Variants in ARHGAP26 observed in about 807,000 individuals in gnomAD.
ARHGAP26 encodes Rho GTPase activating protein 26.
A neutral mutation model predicts 104.8 loss-of-function variants in ARHGAP26; 38 were observed. The ratio of observed to expected loss-of-function variants is 0.36; its 90% CI spans 0.28 to 0.48. ARHGAP26 has a LOEUF of 0.48. Ranked by LOEUF, ARHGAP26 falls within the 20% of genes least tolerant of loss-of-function variation. The pLI, the probability that ARHGAP26 is intolerant of heterozygous loss-of-function variation, is 0.99. For synonymous variants in ARHGAP26, 341 were observed against 340.0 expected (o/e 1.00, Z -0.03); for missense variants, 704 against 947.9 (o/e 0.74, Z 3.38).
At chr5:142,893,776 T>G (rs1236893289) in intron 5 of ARHGAP26, among the ~76,000 whole-genome samples, 2 of 152,248 alleles carry the variant, frequency 1.3e-5, no homozygotes, top group African/African-American at 2.4e-5. Context: ...ATCATAGCCA[T>G]TGTAACTGGC....
At chr5:142,989,235 C>A (rs1243352361) in intron 11 of ARHGAP26, among the ~76,000 whole-genome samples, 2 of 152,186 alleles carry the variant, frequency 1.3e-5, no homozygotes, top group African/African-American at 2.4e-5. Flanking sequence ...GATCCCTTTA[C>A]CATTATGTAA....
intron 11 of ARHGAP26, among the ~76,000 whole-genome samples, chr5:142,990,065 A>T (rs1775366335): frequency 6.6e-6 from 1 of 152,014 alleles, no homozygotes; most frequent in Non-Finnish European, 1.5e-5. Context: ...GCTTGGTTCC[A>T]TTCTCCCCAT....
intron 14 of ARHGAP26, among the ~76,000 whole-genome samples, chr5:143,044,310 G>A (rs1041771649): frequency 2.0e-5 from 3 of 152,020 alleles, no homozygotes; most frequent in Non-Finnish European, 2.9e-5. Flanking sequence ...TCCTTCTTCT[G>A]GCTTCTCATG....
intron 17 of ARHGAP26, among the ~76,000 whole-genome samples, chr5:143,106,314 G>T (rs1209045036): frequency 6.6e-6 from 1 of 152,102 alleles, no homozygotes; most frequent in Non-Finnish European, 1.5e-5. Flanking sequence ...AGGAGGAGCA[G>T]CCAGAAGCCA....
rs531941500 is a variant in ARHGAP26 at position 143,041,997 on chromosome 5, G to A, written c.1285+107G>A. On this transcript the variant is annotated intron_variant, in intron 14 of 22. Transcript: ENST00000645722. ...CAGCCTGTGGCAAAGGAATCGGGGT[G>A]TCCGTGAGCTGTCACCTAGAAGTCA... 2.3e-5 allele frequency: 21 copies of A among 922,084 alleles called. No individual in the cohort carries two copies. The African/African-American group carries it at 2.9e-4, about 13-fold the overall frequency. 57.1% of individuals were successfully genotyped at this position (922,084 alleles called of 1,614,324 possible).
At position 142,931,568 on chromosome 5, in the gene ARHGAP26, A is replaced by G. The variant is rs115418783; in HGVS notation, c.1029-479A>G. Among the ~76,000 whole-genome samples the G allele has an allele frequency of 5.5e-4, 84 of 152,332 alleles. 1 individual carries two copies. Among genetic ancestry groups the G allele is most frequent in the African/African-American group, 2.0e-3 (83 of 41,572 alleles). Reference sequence around the variant, plus strand: ...CACCATAAAACTTCTCCATGTCTGAAGCAGTTTAGAAGCAGTGGACTAGAT... The same window carrying G: ...CACCATAAAACTTCTCCATGTCTGAGGCAGTTTAGAAGCAGTGGACTAGAT... On this transcript the variant is annotated intron_variant, in intron 10 of 22. Coordinates refer to ENST00000645722, the MANE Select transcript of ARHGAP26 (RefSeq NM_001135608.3).
chr5:142,804,737 C>A (rs1415078581), intron 1 of ARHGAP26, among the ~76,000 whole-genome samples: 1 of 152,208 alleles, frequency 6.6e-6, no homozygotes, highest in Non-Finnish European at 1.5e-5. Context: ...GGTGATCCAC[C>A]TGCCTTGGCT....
chr5:142,773,692 A>C (rs1755713113), intron 1 of ARHGAP26, among the ~76,000 whole-genome samples: 1 of 152,224 alleles, frequency 6.6e-6, no homozygotes, highest in Admixed American at 6.5e-5. Flanking sequence ...CGGGCTTTGA[A>C]GGCTAGAGGG....
chr5:142,967,081 A>G (rs1771494663), intron 11 of ARHGAP26, among the ~76,000 whole-genome samples: 1 of 152,184 alleles, frequency 6.6e-6, no homozygotes, highest in African/African-American at 2.4e-5. Context: ...CACAGAAGAT[A>G]CAGGAAAATA....
chr5:143,225,671 C>T lies in ARHGAP26; in HGVS notation c.*3225C>T, dbSNP rs897310013. The T allele has an allele frequency of 6.7e-4, 149 of 223,600 alleles. No individual in the cohort carries two copies. The highest frequency in any genetic ancestry group is 1.0e-3 in the Non-Finnish European group (114 of 111,836). The allele number at this position is 223,600 out of a possible 1,614,324, so 13.9% of individuals were successfully genotyped here. A position where few individuals can be genotyped will look rare whatever the true frequency, so the allele number is the denominator to read the frequency against. On this transcript the variant is annotated 3_prime_UTR_variant, in exon 23 of 23. Coordinates refer to ENST00000645722, the MANE Select transcript of ARHGAP26 (RefSeq NM_001135608.3). ...TCTTGAGTTGGCTCTGATTTGAAATCGGGAGAAACAGAGCTGCTGCCAATG... is the reference window on the plus strand; with the variant it reads ...TCTTGAGTTGGCTCTGATTTGAAATTGGGAGAAACAGAGCTGCTGCCAATG...
intron 1 of ARHGAP26, among the ~76,000 whole-genome samples, chr5:142,829,615 G>A (rs572425265): frequency 7.9e-5 from 12 of 152,302 alleles, no homozygotes; most frequent in South Asian, 2.1e-4. Context: ...CCTGCTTGCC[G>A]CACTGGATTA....
At chr5:142,816,378 C>T (rs1161023813) in intron 1 of ARHGAP26, among the ~76,000 whole-genome samples, 1 of 152,130 alleles carries the variant, frequency 6.6e-6, no homozygotes, top group African/African-American at 2.4e-5. Context: ...AGCGATAAAG[C>T]CTGCTCAATC....
At chr5:142,943,762 A>T (rs1766717241) in intron 11 of ARHGAP26, among the ~76,000 whole-genome samples, 1 of 152,180 alleles carries the variant, frequency 6.6e-6, no homozygotes, top group Non-Finnish European at 1.5e-5. Flanking sequence ...ATTTTTTGCA[A>T]GCCTCAGATC....
At position 142,821,917 on chromosome 5, in the gene ARHGAP26, A is replaced by G. The variant is rs554319524; in HGVS notation, c.154+51002A>G. ...ATCTAGATAAAGGAATTTTTGTCCT[A>G]CATAGATTAATTGACATGAGCTGTT... On this transcript the variant is annotated intron_variant, in intron 1 of 22. Transcript: ENST00000645722. 2.6e-5 allele frequency among the ~76,000 whole-genome samples: 4 copies of G among 152,342 alleles called. No individual in the cohort carries two copies. In the East Asian group the frequency reaches 7.7e-4, roughly 29 times the overall value.
rs943099101 is a variant in ARHGAP26 at position 143,057,662 on chromosome 5, C to T, written c.1453C>T (p.Arg485Trp). 3.7e-6 allele frequency: 6 copies of T among 1,613,764 alleles called. No homozygotes were observed. The highest frequency in any genetic ancestry group is 4.2e-6 in the Non-Finnish European group (5 of 1,179,840). The part of the protein sequence containing the change: ...KAAKLENQES[R>W]VSEIHSLVHR... ...TGCAGAACTGGAGAACCAGGAGTCT[C>T]GGGTCTCTGAAATCCACAGCCTTGT... Residue 485 changes from arginine (R) to tryptophan (W), a missense_variant, in exon 17 of 23, where the codon CGG becomes TGG. By Grantham distance (101) the Arg-to-Trp change is moderately radical. Around this residue, in one of 6 missense-constraint regions of ARHGAP26, gnomAD observed 287 missense variants for 438.8 expected, o/e 0.65. Coordinates refer to ENST00000645722, the MANE Select transcript of ARHGAP26 (RefSeq NM_001135608.3).
intron 17 of ARHGAP26, among the ~76,000 whole-genome samples, chr5:143,061,120 T>C (rs1786638906): frequency 6.6e-6 from 1 of 152,220 alleles, no homozygotes. Flanking sequence ...GATTTACTTT[T>C]GCAAGAAAAA....
intron 11 of ARHGAP26, among the ~76,000 whole-genome samples, chr5:142,959,736 A>G (rs1369747832): frequency 2.0e-5 from 3 of 152,202 alleles, no homozygotes; most frequent in African/African-American, 7.2e-5. Flanking sequence ...TCTGTATTTT[A>G]AGGTCTACTG....
chr5:142,859,384 T>C (rs1752931549), intron 1 of ARHGAP26, among the ~76,000 whole-genome samples: 1 of 152,216 alleles, frequency 6.6e-6, no homozygotes, highest in Non-Finnish European at 1.5e-5. Flanking sequence ...ACATAAGTAC[T>C]GTTAAAAGCA....
intron 17 of ARHGAP26, among the ~76,000 whole-genome samples, chr5:143,115,882 C>T (rs190098691): frequency 6.6e-6 from 1 of 152,256 alleles, no homozygotes; most frequent in East Asian, 1.9e-4. Context: ...GCTTTATTGT[C>T]CAAATTTGCA....
Sources: gnomAD v4.1 joint callset for allele counts (sites outside exome capture counted in the v4.1 genomes callset) on GRCh38, gnomAD v4.1.1 for gene constraint, gnomAD v4.1.1 regional missense constraint, MANE v1.5 for transcripts, NCBI Gene and HGNC (gene_info 2026-07-23, HGNC 2026-07-21) for gene names.